Variants in MUSK observed in about 807,000 individuals in gnomAD.
MUSK encodes the protein muscle, skeletal receptor tyrosine-protein kinase.
Under a neutral mutation model 88.7 loss-of-function variants are expected in MUSK, and 55 were observed. The observed-to-expected ratio is 0.62, with a 90% CI of 0.50 to 0.78. The LOEUF (loss-of-function observed/expected upper bound fraction) is 0.78, where lower values mean the gene tolerates loss of function less well. Among genes scored for constraint, MUSK ranks in the 30% least tolerant of loss-of-function variants. MUSK has a pLI of 0.00. For missense variants in MUSK, 1,015 were observed against 1,074.3 expected (o/e 0.94, Z 0.77); for synonymous variants, 387 against 391.9 (o/e 0.99, Z 0.15).
Position 110,695,503 on chromosome 9 carries a change from T to C in MUSK, c.459T>C (p.Ser153=). ...TGGGTAATCCCAAACCATCAGTGTC[T>C]TGGATAAAGGGAGACAGCCCTCTCA... The part of the protein sequence containing the change: ...TTMGNPKPSV[S]WIKGDSPLRE... Residue 153 remains serine (S), a synonymous_variant, in exon 4 of 15, where the codon TCT becomes TCC. Transcript: ENST00000374448. The C allele has an allele frequency of 1.3e-6, 2 of 1,567,812 alleles. No homozygotes were observed. Among genetic ancestry groups the C allele is most frequent in the Middle Eastern group, 3.3e-4 (2 of 6,012 alleles).
intron 1 of MUSK, among the ~76,000 whole-genome samples, chr9:110,675,008 T>C (rs1366985832): frequency 6.6e-6 from 1 of 152,110 alleles, no homozygotes; most frequent in African/African-American, 2.4e-5. Flanking sequence ...AATTATAGAA[T>C]CAAGTAACAT....
intron 14 of MUSK, among the ~76,000 whole-genome samples, chr9:110,790,547 G>A (rs948603285): frequency 8.5e-5 from 13 of 152,144 alleles, no homozygotes; most frequent in Admixed American, 8.5e-4. Flanking sequence ...TGGATGGATT[G>A]GCCTTTGTAA....
At chr9:110,763,485 T>C (rs1212543889) in intron 8 of MUSK, among the ~76,000 whole-genome samples, 1 of 152,170 alleles carries the variant, frequency 6.6e-6, no homozygotes, top group African/African-American at 2.4e-5. Context: ...GTCCTGTGGG[T>C]TGTACTTGCT....
At chr9:110,770,441 T>C (rs2077555345) in intron 9 of MUSK, among the ~76,000 whole-genome samples, 1 of 146,420 alleles carries the variant, frequency 6.8e-6, no homozygotes, top group Non-Finnish European at 1.5e-5. Context: ...TAATTTACAA[T>C]TATATATTAA....
intron 5 of MUSK, among the ~76,000 whole-genome samples, chr9:110,697,835 C>T (rs965621605): frequency 1.3e-5 from 2 of 150,820 alleles, no homozygotes; most frequent in African/African-American, 4.9e-5. Flanking sequence ...TTTAATCATA[C>T]AGAACAACTT....
At chr9:110,690,199 T>TATATAAATATATATTTAAGTATATATAA (rs1564219377) in intron 3 of MUSK, among the ~76,000 whole-genome samples, 4 of 22,138 alleles carry the variant, frequency 1.8e-4, no homozygotes, top group African/African-American at 2.8e-4. Flanking sequence ...TATATATAAA[T>TATATAAATATATATTTAAGTATATATAA]ATATATAAAT....
chr9:110,775,119 C>T (rs898978556), intron 9 of MUSK, among the ~76,000 whole-genome samples: 2 of 152,130 alleles, frequency 1.3e-5, no homozygotes, highest in Non-Finnish European at 2.9e-5. Context: ...GTTTCTTCAG[C>T]CCCTTCACTC....
chr9:110,727,883 G>C (rs1331636361), intron 5 of MUSK, among the ~76,000 whole-genome samples: 1 of 151,990 alleles, frequency 6.6e-6, no homozygotes, highest in Admixed American at 6.6e-5. Context: ...CTCTAAGAAA[G>C]GTTCAAATTT....
At chr9:110,778,257 T>C (rs1204956301) in intron 11 of MUSK, among the ~76,000 whole-genome samples, 2 of 152,102 alleles carry the variant, frequency 1.3e-5, no homozygotes, top group Non-Finnish European at 2.9e-5. Flanking sequence ...AAACATCTTT[T>C]TGAGCAGGCA....
chr9:110,788,620 A>G (rs1390898607), intron 14 of MUSK, among the ~76,000 whole-genome samples: 1 of 151,444 alleles, frequency 6.6e-6, no homozygotes, highest in African/African-American at 2.4e-5. Context: ...TGACAGAGTG[A>G]GATTCCATCT....
Position 110,697,307 on chromosome 9 carries a change from C to T in MUSK, c.487-18C>T, listed in dbSNP as rs775032591. ...AGACCCATAAACATTTTTGAATTCA[C>T]GTCCCTATCTCTGGCAGGAAAATTC... is the stretch of plus-strand genomic sequence containing the variant. On this transcript the variant is annotated intron_variant, in intron 4 of 14. Transcript: ENST00000374448. 8.7e-6 allele frequency: 14 copies of T among 1,611,586 alleles called. No homozygotes were observed. The Admixed American group carries it at 1.0e-4, about 12-fold the overall frequency.
intron 8 of MUSK, among the ~76,000 whole-genome samples, chr9:110,765,883 C>A (rs1017192044): frequency 6.6e-6 from 1 of 152,102 alleles, no homozygotes; most frequent in African/African-American, 2.4e-5. Flanking sequence ...CAAAGCAATC[C>A]ATTTTTATGC....
At chr9:110,768,747 G>A (rs1471084831) in intron 9 of MUSK, among the ~76,000 whole-genome samples, 1 of 152,036 alleles carries the variant, frequency 6.6e-6, no homozygotes, top group Non-Finnish European at 1.5e-5. Flanking sequence ...TACATTATTT[G>A]TCAATAAATG....
chr9:110,678,410 T>C (rs1254382143), intron 1 of MUSK, among the ~76,000 whole-genome samples: 1 of 152,010 alleles, frequency 6.6e-6, no homozygotes, highest in African/African-American at 2.4e-5. Flanking sequence ...TCCCAAAGTG[T>C]TGAGATTACA....
chr9:110,733,770 A>G (rs1248840728), intron 5 of MUSK, among the ~76,000 whole-genome samples: 1 of 152,138 alleles, frequency 6.6e-6, no homozygotes, highest in African/African-American at 2.4e-5. Context: ...GCTTCAAACA[A>G]TCTAATGGGA....
At chr9:110,727,770 T>A (rs2076906803) in intron 5 of MUSK, 1 of 152,098 alleles carries the variant, frequency 6.6e-6, no homozygotes, top group Admixed American at 6.6e-5. Context: ...ATATCCACAA[T>A]CTGTGAAAGA....
At chr9:110,753,665 C>CCTT (rs1053319495) in intron 7 of MUSK, among the ~76,000 whole-genome samples, 2 of 152,022 alleles carry the variant, frequency 1.3e-5, no homozygotes, top group African/African-American at 4.8e-5. Context: ...CTATATTGCC[C>CCTT]CTTCTTTGAA....
intron 11 of MUSK, among the ~76,000 whole-genome samples, chr9:110,782,583 T>G (rs1197487486): frequency 6.6e-6 from 1 of 152,206 alleles, no homozygotes. Context: ...TCACATGTTA[T>G]ATATGGTGTG....
intron 5 of MUSK, among the ~76,000 whole-genome samples, chr9:110,700,481 A>G (rs373696732): frequency 6.6e-6 from 1 of 152,032 alleles, no homozygotes. Context: ...AGAGGATGGG[A>G]GCTGAAAAAA....
Sources: gnomAD v4.1 joint callset for allele counts (sites outside exome capture counted in the v4.1 genomes callset) on GRCh38, gnomAD v4.1.1 for gene constraint, MANE v1.5 for transcripts, NCBI Gene and HGNC (gene_info 2026-07-23, HGNC 2026-07-21) for gene names.